The following TPD52L1 variants were observed in gnomAD, a reference collection of about 807,000 sequenced individuals.
TPD52L1 encodes tumor protein D53.
In TPD52L1, 18 loss-of-function variants were observed where a neutral mutation model predicts 28.7. The ratio of observed to expected loss-of-function variants is 0.63; its 90% confidence interval spans 0.43 to 0.93. The LOEUF is 0.93. Among genes scored for constraint, TPD52L1 ranks in the 40% least tolerant of loss-of-function variants. The probability of loss-of-function intolerance (pLI) is 0.00; values close to 1 mark genes in which losing one functional copy is unlikely to be tolerated. For missense variants in TPD52L1, 203 were observed against 254.8 expected (o/e 0.80, Z 1.39); for synonymous variants, 75 against 88.8 (o/e 0.84, Z 0.88).
At chr6:125,221,196 T>A (rs1379917137) in intron 2 of TPD52L1, among the ~76,000 whole-genome samples, 1 of 152,216 alleles carries the variant, frequency 6.6e-6, no homozygotes, top group Admixed American at 6.5e-5. Flanking sequence ...CATTTCAAAA[T>A]GAAAGAGCAG....
At position 125,181,401 on chromosome 6, in the gene TPD52L1, C is replaced by T. The variant is rs191421432; in HGVS notation, c.19+27431C>T. ...GAACTAAGACATTTGAGGGGTTTGG[C>T]GATGGTGTCAAGAGGTGCTCGCTGT... On this transcript the variant is annotated intron_variant, in intron 1 of 6. Transcript: ENST00000534000. Among the ~76,000 whole-genome samples the T allele has an allele frequency of 1.8e-3, 275 of 152,108 alleles. 1 individual carries two copies. The highest frequency in any genetic ancestry group is 6.2e-3 in the African/African-American group (259 of 41,510).
At chr6:125,235,200 A>G (rs1477425830) in intron 3 of TPD52L1, among the ~76,000 whole-genome samples, 1 of 151,740 alleles carries the variant, frequency 6.6e-6, no homozygotes, top group South Asian at 2.1e-4. Context: ...TAGCTTCTGG[A>G]TGGGGACCTA....
intron 1 of TPD52L1, among the ~76,000 whole-genome samples, chr6:125,193,322 A>G (rs1213209963): frequency 6.6e-6 from 1 of 151,838 alleles, no homozygotes; most frequent in Non-Finnish European, 1.5e-5. Flanking sequence ...CCTTTCCCTC[A>G]TCCTTTCCTT....
chr6:125,217,607 C>T (rs1794969256), intron 1 of TPD52L1, among the ~76,000 whole-genome samples: 1 of 152,150 alleles, frequency 6.6e-6, no homozygotes, highest in South Asian at 2.1e-4. Context: ...GCTCGCACAC[C>T]TCTCACCTCC....
At chr6:125,220,344 AT>A in intron 2 of TPD52L1, 151 bp downstream of exon 2, 2 of 592,158 alleles carry the variant, frequency 3.4e-6, no homozygotes, top group Non-Finnish European at 5.9e-6. Flanking sequence ...AAGATGATTC[AT>A]TTTTCCAGGG....
chr6:125,180,248 A>G (rs924778354), intron 1 of TPD52L1, among the ~76,000 whole-genome samples: 2 of 151,726 alleles, frequency 1.3e-5, no homozygotes, highest in African/African-American at 2.4e-5. Flanking sequence ...TTCATCATAT[A>G]TGATGTTATA....
intron 1 of TPD52L1, among the ~76,000 whole-genome samples, chr6:125,201,154 T>C (rs1354564419): frequency 6.6e-6 from 1 of 152,144 alleles, no homozygotes; most frequent in Non-Finnish European, 1.5e-5. Flanking sequence ...ATAGCAAGGG[T>C]CATTAAGAAG....
intron 1 of TPD52L1, among the ~76,000 whole-genome samples, chr6:125,180,583 C>T (rs1408746206): frequency 2.0e-5 from 3 of 151,764 alleles, no homozygotes; most frequent in Non-Finnish European, 2.9e-5. Flanking sequence ...CACACACACA[C>T]ACACACACAC....
At chr6:125,177,945 T>C (rs1018875277) in intron 1 of TPD52L1, among the ~76,000 whole-genome samples, 1 of 152,140 alleles carries the variant, frequency 6.6e-6, no homozygotes, top group Non-Finnish European at 1.5e-5. Flanking sequence ...AAAAGCTAAG[T>C]ATATAAAAAG....
At position 125,177,796 on chromosome 6, in the gene TPD52L1, AG is replaced by A. The variant is rs373283221; in HGVS notation, c.19+23827del. On this transcript the variant is annotated intron_variant, in intron 1 of 6. Coordinates refer to ENST00000534000, the MANE Select transcript of TPD52L1 (RefSeq NM_003287.4). The stretch of plus-strand genomic sequence containing the variant: ...AAAATTAACAAACCATTACTTTTAA[AG>A]CGACTTTGATAAATATGATATTTAA... Among the ~76,000 whole-genome samples the A allele has an allele frequency of 5.5e-4, 84 of 152,352 alleles. 5 individuals are homozygous for A. In the South Asian group the frequency reaches 0.017, roughly 30 times the overall value.
chr6:125,168,936 G>C (rs77050243), intron 1 of TPD52L1, among the ~76,000 whole-genome samples: 12,510 of 152,226 alleles, frequency 0.082, 560 homozygotes, highest in Middle Eastern at 0.11. Flanking sequence ...GATTCCGTTA[G>C]AGTTGGAAAA....
intron 1 of TPD52L1, among the ~76,000 whole-genome samples, chr6:125,186,086 G>C (rs2114839584): frequency 1.3e-5 from 2 of 152,098 alleles, no homozygotes; most frequent in South Asian, 4.2e-4. Flanking sequence ...TAGAGACGGT[G>C]TTTCACCATG....
intron 1 of TPD52L1, among the ~76,000 whole-genome samples, chr6:125,167,656 G>GTT (rs1478629039): frequency 6.6e-6 from 1 of 152,076 alleles, no homozygotes; most frequent in East Asian, 1.9e-4. Context: ...AAATATGAGG[G>GTT]TGCTATTCAT....
At chr6:125,218,965 T>C (rs995026524) in intron 1 of TPD52L1, among the ~76,000 whole-genome samples, 2 of 152,152 alleles carry the variant, frequency 1.3e-5, no homozygotes, top group Admixed American at 6.5e-5. Flanking sequence ...ATCTCACAGA[T>C]AGAATTCCCA....
chr6:125,238,719 T>C (rs911990753), intron 3 of TPD52L1, among the ~76,000 whole-genome samples: 2 of 152,260 alleles, frequency 1.3e-5, no homozygotes, highest in Non-Finnish European at 2.9e-5. Flanking sequence ...TGTAGGAATA[T>C]ATATTAACTA....
intron 4 of TPD52L1, among the ~76,000 whole-genome samples, chr6:125,249,710 A>G (rs1583014884): frequency 6.6e-6 from 1 of 150,408 alleles, no homozygotes; most frequent in Admixed American, 6.6e-5. Flanking sequence ...AAAAAAAAAA[A>G]GAAGGAAAAG....
At chr6:125,231,043 C>T (rs1795919029) in intron 3 of TPD52L1, among the ~76,000 whole-genome samples, 1 of 152,224 alleles carries the variant, frequency 6.6e-6, no homozygotes, top group Non-Finnish European at 1.5e-5. Flanking sequence ...TGGCCTCTGT[C>T]TTTCCACTTT....
intron 1 of TPD52L1, among the ~76,000 whole-genome samples, chr6:125,206,157 T>C (rs1225322834): frequency 6.6e-6 from 1 of 152,160 alleles, no homozygotes; most frequent in Non-Finnish European, 1.5e-5. Context: ...ACCAAAGCTT[T>C]AGACAACAGT....
Position 125,196,220 on chromosome 6 carries a change from C to A in TPD52L1, c.20-23858C>A, listed in dbSNP as rs527267450. 4.6e-5 allele frequency among the ~76,000 whole-genome samples: 7 copies of A among 152,230 alleles called. No homozygotes were observed. In the East Asian group the frequency reaches 1.4e-3, roughly 29 times the overall value. The stretch of plus-strand genomic sequence containing the variant: ...GGAAAGATAAGCTTTCTGTAGCTTC[C>A]AAAGTTGTAGCTGTTTTTAAAATTG... On this transcript the variant is annotated intron_variant, in intron 1 of 6. Transcript: ENST00000534000.
Sources: allele counts gnomAD v4.1 joint callset (sites outside exome capture counted in the v4.1 genomes callset), GRCh38; gene constraint gnomAD v4.1.1; transcripts MANE v1.5; gene names NCBI Gene and HGNC (gene_info 2026-07-23, HGNC 2026-07-21).